The following LYRM4 variants were observed in gnomAD, a reference collection of about 807,000 sequenced individuals.
The protein encoded by LYRM4 is LYR motif containing 4.
In LYRM4, 9 loss-of-function variants were observed where a neutral mutation model predicts 11.7. That is an observed-to-expected ratio of 0.77 (90% CI 0.46 to 1.34). The LOEUF is 1.34. Among genes scored for constraint, LYRM4 ranks in the 40% most tolerant of loss-of-function variants. LYRM4 has a pLI of 0.00. For missense variants in LYRM4, 133 were observed against 112.5 expected, an observed-to-expected ratio of 1.18 and a Z score of -0.82; for synonymous variants, 42 against 40.4, an observed-to-expected ratio of 1.04 and a Z score of -0.15.
the LYRM4 span, among the ~76,000 whole-genome samples, chr6:5,060,504 AT>A: frequency 0.66 from 95,130 of 144,138 alleles, 31,486 homozygotes; most frequent in Non-Finnish European, 0.72. Flanking sequence ...CGATTTTTGT[AT>A]TTTTTTTTTT....
the LYRM4 span, among the ~76,000 whole-genome samples, chr6:5,038,227 T>G: frequency 1.7e-5 from 1 of 59,216 alleles, no homozygotes; most frequent in Non-Finnish European, 4.1e-5. Context: ...GCAGAGACGC[T>G]CCTCACTTCC....
chr6:5,094,979 G>A, the LYRM4 span, among the ~76,000 whole-genome samples: 1 of 152,170 alleles, frequency 6.6e-6, no homozygotes, highest in African/African-American at 2.4e-5. Context: ...AGCCAGAAGA[G>A]AAAATTTGTA....
At chr6:5,206,139 C>T (rs1468283411) in intron 2 of LYRM4, among the ~76,000 whole-genome samples, 1 of 152,228 alleles carries the variant, frequency 6.6e-6, no homozygotes, top group African/African-American at 2.4e-5. Flanking sequence ...ACATAGCTCA[C>T]CCTTGGTCAA....
intron 1 of LYRM4, among the ~76,000 whole-genome samples, chr6:5,243,494 TAAAG>T (rs577173259): frequency 3.0e-3 from 456 of 152,306 alleles, no homozygotes; most frequent in African/African-American, 0.01. Flanking sequence ...CCTCCATTCT[TAAAG>T]AAGAAGAAAA....
At chr6:5,090,306 C>T in the LYRM4 span, among the ~76,000 whole-genome samples, 1 of 152,208 alleles carries the variant, frequency 6.6e-6, no homozygotes, top group South Asian at 2.1e-4. The surrounding 1 kb of genome is among the most constrained non-coding windows in gnomAD (Gnocchi z 4.8). Context: ...GTGTCCCTAT[C>T]TAGAGCTTCA....
intron 2 of LYRM4, among the ~76,000 whole-genome samples, chr6:5,150,557 C>G (rs949399166): frequency 3.3e-5 from 5 of 152,168 alleles, no homozygotes; most frequent in African/African-American, 9.7e-5. Context: ...ACAGTAGGCC[C>G]TCACTAATTG....
At chr6:5,166,968 C>A (rs577092204) in intron 2 of LYRM4, among the ~76,000 whole-genome samples, 3 of 152,168 alleles carry the variant, frequency 2.0e-5, no homozygotes, top group African/African-American at 7.2e-5. Context: ...CATCCTCCTG[C>A]CTCAGCCTCC....
the LYRM4 span, among the ~76,000 whole-genome samples, chr6:5,077,628 G>C: frequency 6.6e-6 from 1 of 152,192 alleles, no homozygotes; most frequent in Non-Finnish European, 1.5e-5. Context: ...TAAAAGGGGT[G>C]TAAGATCTAC....
At chr6:5,063,649 T>C in the LYRM4 span, among the ~76,000 whole-genome samples, 2 of 152,104 alleles carry the variant, frequency 1.3e-5, no homozygotes, top group East Asian at 3.9e-4. Context: ...GTTCAGTGAG[T>C]GAGAGGCACT....
At chr6:5,078,558 A>C in the LYRM4 span, among the ~76,000 whole-genome samples, 2 of 152,278 alleles carry the variant, frequency 1.3e-5, no homozygotes, top group African/African-American at 4.8e-5. Context: ...AGATTGGCTA[A>C]ATGGCTTCGG....
At chr6:5,159,582 C>G (rs572042152) in intron 2 of LYRM4, among the ~76,000 whole-genome samples, 3 of 152,278 alleles carry the variant, frequency 2.0e-5, no homozygotes, top group African/African-American at 7.2e-5. Context: ...GGCTACTATC[C>G]AAGCCCATCT....
At chr6:5,157,283 T>C (rs1320386279) in intron 2 of LYRM4, among the ~76,000 whole-genome samples, 4 of 152,168 alleles carry the variant, frequency 2.6e-5, no homozygotes, top group Admixed American at 6.5e-5. Context: ...ATAATTTCAC[T>C]TAAAAACAAA....
At chr6:5,240,983 A>G (rs999123149) in intron 1 of LYRM4, among the ~76,000 whole-genome samples, 1 of 152,212 alleles carries the variant, frequency 6.6e-6, no homozygotes, top group Non-Finnish European at 1.5e-5. Context: ...TACGGGGAAA[A>G]ACGTTGGCTT....
At chr6:5,203,043 C>T (rs1761479233) in intron 2 of LYRM4, among the ~76,000 whole-genome samples, 1 of 152,152 alleles carries the variant, frequency 6.6e-6, no homozygotes, top group South Asian at 2.1e-4. Context: ...AGTACTTGTC[C>T]ACCTCTACAG....
At chr6:5,258,781 C>T (rs1313998229) in intron 1 of LYRM4, among the ~76,000 whole-genome samples, 3 of 152,062 alleles carry the variant, frequency 2.0e-5, no homozygotes, top group African/African-American at 7.3e-5. Flanking sequence ...ATAATTTGAT[C>T]AATTATTTTC....
At chr6:5,260,560 A>C (rs933109174) in intron 1 of LYRM4, 88 bp downstream of exon 1, 50 of 1,496,044 alleles carry the variant, frequency 3.3e-5, no homozygotes, top group Non-Finnish European at 4.2e-5. Context: ...GGTGGCTCCC[A>C]GTCCCCGGGG....
chr6:5,147,359 A>C (rs567115911), intron 2 of LYRM4, among the ~76,000 whole-genome samples: 2 of 152,294 alleles, frequency 1.3e-5, no homozygotes, highest in African/African-American at 4.8e-5. Context: ...TCATATTTTA[A>C]CCTGGATTTT....
chr6:5,235,845 T>C (rs1462084097), intron 1 of LYRM4, among the ~76,000 whole-genome samples: 1 of 152,240 alleles, frequency 6.6e-6, no homozygotes, highest in Non-Finnish European at 1.5e-5. Flanking sequence ...AAAATGTGTT[T>C]ACTGACTGCC....
At chr6:5,073,609 A>G in the LYRM4 span, among the ~76,000 whole-genome samples, 1 of 148,704 alleles carries the variant, frequency 6.7e-6, no homozygotes, top group Non-Finnish European at 1.5e-5. Context: ...TCTGTATAAT[A>G]TATAATCCTA....
Sources: gnomAD v4.1 joint callset for allele counts (sites outside exome capture counted in the v4.1 genomes callset) on GRCh38, gnomAD v4.1.1 for gene constraint, Gnocchi (gnomAD v3.1) non-coding constraint, MANE v1.5 for transcripts, NCBI Gene and HGNC (gene_info 2026-07-23, HGNC 2026-07-21) for gene names.